Variants in HACE1 observed in about 807,000 individuals in gnomAD.
The protein encoded by HACE1 is E3 ubiquitin-protein ligase HACE1.
HACE1 carries 73 observed loss-of-function variants against 118.4 expected under a neutral mutation model. The ratio of observed to expected loss-of-function variants is 0.62; its 90% confidence interval spans 0.51 to 0.75. HACE1 has a LOEUF of 0.75. Ranked by LOEUF, HACE1 falls within the 30% of genes least tolerant of loss-of-function variation. The pLI is 0.00. For missense variants in HACE1, 749 were observed against 1,102.2 expected (o/e 0.68, Z 4.54); for synonymous variants, 368 against 374.8 (o/e 0.98, Z 0.21).
At chr6:104,791,199 G>C (rs182749234) in intron 11 of HACE1, among the ~76,000 whole-genome samples, 1 of 152,076 alleles carries the variant, frequency 6.6e-6, no homozygotes, top group African/African-American at 2.4e-5. Flanking sequence ...AAGCATGGTG[G>C]CTGCATATTA....
chr6:104,740,579 C>T (rs1199690434), intron 22 of HACE1, among the ~76,000 whole-genome samples: 4 of 151,274 alleles, frequency 2.6e-5, no homozygotes, highest in East Asian at 3.9e-4. Context: ...ATAAATTCCT[C>T]GACACATACA....
chr6:104,809,393 A>G (rs1238023257), intron 7 of HACE1, among the ~76,000 whole-genome samples: 1 of 152,166 alleles, frequency 6.6e-6, no homozygotes, highest in South Asian at 2.1e-4. Context: ...AGTAACATGA[A>G]TAAGAAATAG....
At chr6:104,837,686 C>T (rs1381795483) in intron 5 of HACE1, among the ~76,000 whole-genome samples, 1 of 152,122 alleles carries the variant, frequency 6.6e-6, no homozygotes, top group Non-Finnish European at 1.5e-5. Context: ...CCTCTTAACA[C>T]CACTATTAGA....
chr6:104,833,496 G>A (rs1178543287), intron 5 of HACE1, among the ~76,000 whole-genome samples: 1 of 152,088 alleles, frequency 6.6e-6, no homozygotes, highest in East Asian at 1.9e-4. Flanking sequence ...GGTTTTATAT[G>A]AGGAAAACTT....
At chr6:104,826,087 T>C (rs1222084419) in intron 6 of HACE1, among the ~76,000 whole-genome samples, 1 of 152,190 alleles carries the variant, frequency 6.6e-6, no homozygotes, top group East Asian at 1.9e-4. Context: ...AAGCTGCCCA[T>C]GAAAGGGATC....
At chr6:104,771,106 T>G in intron 19 of HACE1, 87 bp downstream of exon 19, 1 of 937,774 alleles carries the variant, frequency 1.1e-6, no homozygotes, top group Non-Finnish European at 1.8e-6. Context: ...AAAGTTTTTC[T>G]ACAAGTGCCA....
Position 104,805,796 on chromosome 6 carries a change from T to C in HACE1, c.617+5515A>G, listed in dbSNP as rs559724146. 5.9e-5 allele frequency among the ~76,000 whole-genome samples: 9 copies of C among 152,140 alleles called. No individual in the cohort carries two copies. In the East Asian group the frequency reaches 1.5e-3, roughly 26 times the overall value. On this transcript the variant is annotated intron_variant, in intron 7 of 23. Transcript: ENST00000262903. ...GTGCAGCAAACCAACATGGCACATG[T>C]ATACCTATGTAACAAACCCGCACGT...
rs77317585 is a variant in HACE1 at position 104,745,138 on chromosome 6, C to A, written c.2344-528G>T. On this transcript the variant is annotated intron_variant, in intron 20 of 23. Transcript: ENST00000262903. Reference sequence around the variant, plus strand: ...AAAAGATTTAGGCCTTTTAGGAATTCAATTCTGGAATAATTTGGATCCTGT... The same window carrying A: ...AAAAGATTTAGGCCTTTTAGGAATTAAATTCTGGAATAATTTGGATCCTGT... 4.8e-3 allele frequency among the ~76,000 whole-genome samples: 733 copies of A among 152,112 alleles called. 5 individuals are homozygous for A. Among genetic ancestry groups the A allele is most frequent in the African/African-American group, 0.017 (713 of 41,498 alleles).
intron 6 of HACE1, among the ~76,000 whole-genome samples, chr6:104,824,214 A>C (rs539356894): frequency 6.6e-6 from 1 of 152,244 alleles, no homozygotes; most frequent in South Asian, 2.1e-4. Context: ...ATTCTCAAAT[A>C]ATCCAGAGTA....
At chr6:104,735,076 AT>A (rs1582563948) in intron 22 of HACE1, among the ~76,000 whole-genome samples, 1 of 152,114 alleles carries the variant, frequency 6.6e-6, no homozygotes, top group Admixed American at 6.5e-5. Flanking sequence ...GTAGGGAAGG[AT>A]TTACAAAAAC....
intron 1 of HACE1, among the ~76,000 whole-genome samples, chr6:104,857,956 C>CAAAAAAAAAAA (rs34623570): frequency 9.8e-6 from 1 of 101,756 alleles, no homozygotes; most frequent in African/African-American, 3.8e-5. Flanking sequence ...GACTCCGTCT[C>CAAAAAAAAAAA]AAAAAAAAAA....
chr6:104,805,738 G>A (rs1010965842), intron 7 of HACE1, among the ~76,000 whole-genome samples: 18 of 152,128 alleles, frequency 1.2e-4, no homozygotes. Flanking sequence ...ATAGCATTAG[G>A]AGAAACACCT....
chr6:104,800,915 C>A (rs1770260577), intron 7 of HACE1, among the ~76,000 whole-genome samples: 1 of 152,138 alleles, frequency 6.6e-6, no homozygotes, highest in Non-Finnish European at 1.5e-5. Flanking sequence ...ATAACAACTT[C>A]TCCGAGCTAA....
At chr6:104,739,637 C>T (rs564007254) in intron 22 of HACE1, among the ~76,000 whole-genome samples, 112 of 152,042 alleles carry the variant, frequency 7.4e-4, no homozygotes, top group Non-Finnish European at 1.4e-3. Context: ...TATATATGCA[C>T]CCAATACAGG....
chr6:104,754,182 G>C (rs908979409), intron 19 of HACE1, among the ~76,000 whole-genome samples: 4 of 151,910 alleles, frequency 2.6e-5, no homozygotes, highest in African/African-American at 7.3e-5. Context: ...TCCAAAATAA[G>C]ACAGGCAGAC....
chr6:104,857,693 C>T (rs529625739), intron 1 of HACE1, among the ~76,000 whole-genome samples: 19 of 150,900 alleles, frequency 1.3e-4, no homozygotes, highest in African/African-American at 4.4e-4. Flanking sequence ...CGGTGGCTCA[C>T]GCCTGTAATC....
chr6:104,795,809 T>C (rs557484691), intron 9 of HACE1, 124 bp from the exon 10 acceptor site: 2 of 657,790 alleles, frequency 3.0e-6, no homozygotes, highest in South Asian at 3.6e-5. Flanking sequence ...AGTTATTTTG[T>C]CTTGCATAAG....
At chr6:104,756,191 T>C (rs1778614316) in intron 19 of HACE1, among the ~76,000 whole-genome samples, 1 of 151,770 alleles carries the variant, frequency 6.6e-6, no homozygotes, top group Non-Finnish European at 1.5e-5. Context: ...GGTGGGTGGA[T>C]CACAAGGTCA....
chr6:104,731,449 A>G (rs1302477294), intron 22 of HACE1: 1 of 152,142 alleles, frequency 6.6e-6, no homozygotes, highest in African/African-American at 2.4e-5. Flanking sequence ...GCAGACTCAC[A>G]TATCCTGATT....
Sources: allele counts gnomAD v4.1 joint callset (sites outside exome capture counted in the v4.1 genomes callset), GRCh38; gene constraint gnomAD v4.1.1; transcripts MANE v1.5; gene names NCBI Gene and HGNC (gene_info 2026-07-23, HGNC 2026-07-21).